Variants in CTBP2 observed in about 807,000 individuals in gnomAD.
CTBP2 encodes the protein C-terminal-binding protein 2.
CTBP2 carries 30 observed loss-of-function variants against 80.3 expected under a neutral mutation model. That is an observed-to-expected ratio of 0.37 (90% CI 0.28 to 0.51). The LOEUF (loss-of-function observed/expected upper bound fraction) is 0.51, where lower values mean the gene tolerates loss of function less well. CTBP2 is among the 20% of genes least tolerant of loss of function. The probability of loss-of-function intolerance (pLI) is 0.93; values close to 1 mark genes in which losing one functional copy is unlikely to be tolerated. For synonymous variants in CTBP2, 594 were observed against 587.4 expected (o/e 1.01, Z -0.16); for missense variants, 1,212 against 1,375.3 (o/e 0.88, Z 1.88).
intron 2 of CTBP2, among the ~76,000 whole-genome samples, chr10:125,076,622 C>T (rs953538361): frequency 2.0e-5 from 3 of 152,186 alleles, no homozygotes; most frequent in Admixed American, 6.5e-5. Context: ...CTTCACTTTC[C>T]GAGTTCTCCT....
chr10:125,104,471 C>A (rs1851143359), intron 2 of CTBP2, among the ~76,000 whole-genome samples: 1 of 152,142 alleles, frequency 6.6e-6, no homozygotes, highest in Non-Finnish European at 1.5e-5. Flanking sequence ...TTTGTTTGCT[C>A]CGCGTGCCTG....
chr10:125,144,667 G>C (rs1858429035), intron 1 of CTBP2, among the ~76,000 whole-genome samples: 1 of 152,144 alleles, frequency 6.6e-6, no homozygotes, highest in Admixed American at 6.5e-5. Flanking sequence ...TGAAGGTTAA[G>C]CATATTTGCC....
upstream of CTBP2, chr10:125,160,625 C>T (rs1324849610): frequency 1.0e-4 from 12 of 115,772 alleles, no homozygotes; most frequent in East Asian, 3.2e-3. Flanking sequence ...CGCTCCCCTC[C>T]CCTCCCCACC....
intron 8 of CTBP2, 93 bp from the exon 11 acceptor site, chr10:124,989,791 G>A (rs1952341965): frequency 8.1e-7 from 1 of 1,241,012 alleles, no homozygotes; most frequent in South Asian, 1.6e-5. Context: ...TAAGAGACAG[G>A]AGCCCAGTGA....
At chr10:125,107,943 C>T (rs933951766) in intron 2 of CTBP2, among the ~76,000 whole-genome samples, 1 of 152,200 alleles carries the variant, frequency 6.6e-6, no homozygotes, top group Admixed American at 6.5e-5. Flanking sequence ...TAACCAAAAA[C>T]ACTTTTTCTG....
At chr10:125,086,183 T>G (rs1337115707) in intron 2 of CTBP2, among the ~76,000 whole-genome samples, 1 of 151,922 alleles carries the variant, frequency 6.6e-6, no homozygotes, top group Non-Finnish European at 1.5e-5. Flanking sequence ...GGCCTTTGAG[T>G]GGTAATTAGA....
At chr10:125,089,697 C>A (rs1372903896) in intron 2 of CTBP2, among the ~76,000 whole-genome samples, 2 of 152,280 alleles carry the variant, frequency 1.3e-5, no homozygotes, top group East Asian at 3.9e-4. Flanking sequence ...GGGCAGCTTC[C>A]AGGACTGAAC....
intron 1 of CTBP2, among the ~76,000 whole-genome samples, chr10:125,008,221 C>T (rs1955477822): frequency 6.6e-6 from 1 of 152,230 alleles, no homozygotes; most frequent in South Asian, 2.1e-4. Flanking sequence ...GCTGGGATTA[C>T]AGGCAATAAG....
At chr10:125,051,513 A>G (rs1001031039) in intron 2 of CTBP2, among the ~76,000 whole-genome samples, 1 of 151,998 alleles carries the variant, frequency 6.6e-6, no homozygotes, top group Non-Finnish European at 1.5e-5. Flanking sequence ...GGTGGTGGGC[A>G]CCTGTAATCC....
chr10:125,048,477 G>A (rs982407391), intron 2 of CTBP2, among the ~76,000 whole-genome samples: 10 of 152,190 alleles, frequency 6.6e-5, no homozygotes, highest in South Asian at 2.1e-4. Context: ...CAGATGCTTC[G>A]TTTCTAGGAG....
rs188993919 is a variant in CTBP2 at position 125,078,916 on chromosome 10, T to A, written c.-102+32074A>T. Among the ~76,000 whole-genome samples, 5 of 151,132 alleles carry A rather than the reference T, an allele frequency of 3.3e-5. No individual in the cohort carries two copies. The East Asian group carries it at 9.8e-4, about 30-fold the overall frequency. ...ATTCTGGGAGGCTGAGGCGGGCAGA[T>A]CATTTTGGGGTCAGGAGTTCAAGAC... is the stretch of plus-strand genomic sequence containing the variant. On this transcript the variant is annotated intron_variant, in intron 2 of 10. Coordinates refer to the CTBP2 transcript ENST00000337195.
chr10:125,099,828 T>C (rs981640925), intron 2 of CTBP2, among the ~76,000 whole-genome samples: 1 of 152,144 alleles, frequency 6.6e-6, no homozygotes. Flanking sequence ...ATGGGGGTGA[T>C]AGATAAGACC....
At chr10:125,121,803 G>A (rs1053253092) in intron 1 of CTBP2, among the ~76,000 whole-genome samples, 1 of 152,192 alleles carries the variant, frequency 6.6e-6, no homozygotes, top group Admixed American at 6.5e-5. Context: ...GCCACACCAC[G>A]CTGTCACCCA....
Position 125,066,146 on chromosome 10 carries a change from G to A in CTBP2, c.-101-26991C>T, listed in dbSNP as rs1844598970. Among the ~76,000 whole-genome samples, 1 of 151,794 alleles carries A rather than the reference G, an allele frequency of 6.6e-6. No homozygotes were observed. Among genetic ancestry groups the A allele is most frequent in the Non-Finnish European group, 1.5e-5 (1 of 67,992 alleles). ...CTCAGGCTGATGTCCTAACACCCAG[G>A]ACAACGTCTGAGTGACCAGTGGCTC... On this transcript the variant is annotated intron_variant, in intron 2 of 10. Transcript: ENST00000337195. This position sits in a 1 kb window ranked among gnomAD's most constrained non-coding sequence, Gnocchi z 4.1.
intron 1 of CTBP2, among the ~76,000 whole-genome samples, chr10:125,127,445 C>G (rs1475667326): frequency 6.6e-6 from 1 of 152,228 alleles, no homozygotes; most frequent in Non-Finnish European, 1.5e-5. Flanking sequence ...GAATCATCTT[C>G]TCTCAAACGC....
intron 1 of CTBP2, among the ~76,000 whole-genome samples, chr10:125,148,498 C>T (rs1442458290): frequency 4.6e-5 from 7 of 152,174 alleles, no homozygotes; most frequent in Non-Finnish European, 8.8e-5. Context: ...AGCTTCCTTG[C>T]TGAGAAATAT....
intron 2 of CTBP2, among the ~76,000 whole-genome samples, chr10:125,048,633 C>G (rs1961869871): frequency 6.6e-6 from 1 of 152,116 alleles, no homozygotes; most frequent in Non-Finnish European, 1.5e-5. Context: ...GGTGTGGAGT[C>G]CCCGACCCCA....
chr10:125,015,462 C>A (rs760607839), intron 1 of CTBP2, among the ~76,000 whole-genome samples: 1 of 152,248 alleles, frequency 6.6e-6, no homozygotes, highest in Non-Finnish European at 1.5e-5. Flanking sequence ...GCTGTGCGGT[C>A]CCTGGTGTGG....
chr10:124,993,743 A>C, intron 6 of CTBP2, 112 bp downstream of exon 8: 1 of 1,286,456 alleles, frequency 7.8e-7, no homozygotes, highest in Non-Finnish European at 1.1e-6. Context: ...TCATCTCTGG[A>C]GTTTCCTGCC....
Sources: allele counts gnomAD v4.1 joint callset (sites outside exome capture counted in the v4.1 genomes callset), GRCh38; gene constraint gnomAD v4.1.1; non-coding constraint Gnocchi (gnomAD v3.1); transcripts MANE v1.5; gene names NCBI Gene and HGNC (gene_info 2026-07-23, HGNC 2026-07-21).